Variants in DLL3 observed in about 807,000 individuals in gnomAD.
The protein encoded by DLL3 is delta-like protein 3.
A neutral mutation model predicts 55.0 loss-of-function variants in DLL3; 49 were observed. That is an observed-to-expected ratio of 0.89 (90% CI 0.71 to 1.13). The LOEUF is 1.13. Among genes scored for constraint, DLL3 ranks in the 50% most tolerant of loss-of-function variants. The probability of loss-of-function intolerance (pLI) is 0.00; values close to 1 mark genes in which losing one functional copy is unlikely to be tolerated. For missense variants in DLL3, 962 were observed against 875.5 expected (o/e 1.10, Z -1.25); for synonymous variants, 421 against 385.2 (o/e 1.09, Z -1.09).
chr19:39,502,927 C>G lies in DLL3; in HGVS notation c.522C>G (p.Tyr174Ter), dbSNP rs765809448. 2 of 1,440,532 alleles carry G rather than the reference C, an allele frequency of 1.4e-6. No homozygotes were observed. Among genetic ancestry groups the G allele is most frequent in the Non-Finnish European group, 9.1e-7 (1 of 1,102,816 alleles). 89.2% of individuals were successfully genotyped at this position (1,440,532 alleles called of 1,614,324 possible). Residue 174 changes from tyrosine to a stop codon, truncating the protein, a stop_gained, in exon 4 of 9, where the codon TAC becomes TAG. Coordinates refer to ENST00000356433, the MANE Select transcript of DLL3 (RefSeq NM_203486.3). LOFTEE classifies it high-confidence loss of function. ...GCGCCTGGGAGCTGCGCTTCTCGTACCGCGCGCGCTGCGAGCCGCCTGCCG... is the reference window on the plus strand; with the variant it reads ...GCGCCTGGGAGCTGCGCTTCTCGTAGCGCGCGCGCTGCGAGCCGCCTGCCG... ...RAGAWELRFS[Y>*]RARCEPPAVG... is the part of the protein sequence containing the mutation.
chr19:39,499,287 C>T lies in DLL3; in HGVS notation c.165C>T (p.Pro55=). Residue 55 remains proline, a synonymous_variant, in exon 2 of 9, where the codon CCC becomes CCT. Coordinates refer to ENST00000356433, the MANE Select transcript of DLL3 (RefSeq NM_203486.3). The part of the protein sequence containing the change: ...APRSPCSARL[P]CRLFFRVCLK... ...GGTCCCCCTGCAGCGCCCGGCTCCCCTGCCGCCTCTTCTTCAGAGTCTGCC... is the reference window on the plus strand; with the variant it reads ...GGTCCCCCTGCAGCGCCCGGCTCCCTTGCCGCCTCTTCTTCAGAGTCTGCC... 6.5e-7 allele frequency: 1 copy of T among 1,541,958 alleles called. No homozygotes were observed. Among genetic ancestry groups the T allele is most frequent in the Non-Finnish European group, 8.7e-7 (1 of 1,147,964 alleles).
chr19:39,505,526 C>A, intron 6 of DLL3, 75 bp downstream of exon 6: 2 of 1,556,190 alleles, frequency 1.3e-6, no homozygotes, highest in Non-Finnish European at 1.8e-6. Flanking sequence ...GGGTTGGAAT[C>A]CTGGCTTTGA....
chr19:39,502,436 T>A (rs564232377), intron 3 of DLL3, among the ~76,000 whole-genome samples: 21 of 151,804 alleles, frequency 1.4e-4, no homozygotes, highest in South Asian at 2.1e-4. Flanking sequence ...CTAATTTTTT[T>A]AAAGAATTTT....
rs576748683 is a variant in DLL3, at chr19:39,508,101, C to A, written c.1759-151C>A. 29 of 1,609,648 alleles carry A rather than the reference C, an allele frequency of 1.8e-5. No individual in the cohort carries two copies. In the East Asian group the frequency reaches 6.5e-4, roughly 36 times the overall value. ...TTTGCATCCCTCTTATCGTTTTGAG[C>A]TACCTGCCATCTTCTCTTTGAAAAA... On this transcript the variant is annotated intron_variant, in intron 8 of 8. Transcript: ENST00000356433.
At chr19:39,500,585 T>G (rs1385796437) in intron 2 of DLL3, 30 bp from the exon 3 acceptor site, 1 of 1,604,244 alleles carries the variant, frequency 6.2e-7, no homozygotes, top group South Asian at 1.1e-5. Context: ...GTCTTTCATC[T>G]TTCATCTCCC....
At chr19:39,507,976 T>G in intron 8 of DLL3, 62 bp downstream of exon 8, 1 of 1,613,948 alleles carries the variant, frequency 6.2e-7, no homozygotes, top group Non-Finnish European at 8.5e-7. Flanking sequence ...CAGCACCTGC[T>G]TTTTCCCTAC....
intron 5 of DLL3, 33 bp from the exon 6 acceptor site, chr19:39,505,196 A>G: frequency 6.2e-7 from 1 of 1,608,016 alleles, no homozygotes; most frequent in Non-Finnish European, 8.5e-7. Context: ...CTCCAAGGAA[A>G]CACCCTTCTC....
chr19:39,507,814 T>G lies in DLL3; in HGVS notation c.1674-16T>G, dbSNP rs539055025. The G allele has an allele frequency of 1.2e-6, 2 of 1,614,086 alleles. No homozygotes were observed. Among genetic ancestry groups the G allele is most frequent in the African/African-American group, 1.3e-5 (1 of 75,032 alleles). ...TTTAAAGAGTCTGAGTTTTTCTTCT[T>G]TCTCTCCTCCCACAGCTCGTCCGTA... is the stretch of plus-strand genomic sequence containing the variant. On this transcript the variant is annotated splice_polypyrimidine_tract_variant and intron_variant, in intron 7 of 8. Transcript: ENST00000356433.
intron 8 of DLL3, 56 bp downstream of exon 8, chr19:39,507,970 A>G: frequency 1.2e-6 from 2 of 1,613,926 alleles, no homozygotes; most frequent in Non-Finnish European, 1.7e-6. Flanking sequence ...CAGAGGCAGC[A>G]CCTGCTTTTT....
At position 39,507,104 on chromosome 19, in the gene DLL3, C is replaced by A. The variant is rs1023296017; in HGVS notation, c.1159C>A (p.Arg387Ser). Residue 387 changes from arginine (R) to serine (S), a missense_variant, in exon 7 of 9, where the codon CGC becomes AGC. Physicochemically the swap from Arg to Ser is moderately radical, Grantham distance 110. Transcript: ENST00000356433. ...CRCRAGFAGP[R>S]CEHDLDDCAG... is the part of the protein sequence containing the mutation. ...CTGCCGCGCCGGCTTCGCGGGTCCT[C>A]GCTGCGAGCACGACCTGGACGACTG... The A allele has an allele frequency of 1.3e-6, 2 of 1,543,254 alleles. No individual in the cohort carries two copies. The highest frequency in any genetic ancestry group is 1.4e-5 in the African/African-American group (1 of 73,466).
In DLL3 at chr19:39,503,405, A is replaced by G. The variant is rs528544903; in HGVS notation, c.652+348A>G. On this transcript the variant is annotated intron_variant, in intron 4 of 8. Coordinates refer to ENST00000356433, the MANE Select transcript of DLL3 (RefSeq NM_203486.3). ...TCCATTTTCTATGCTGGCACCCTCC[A>G]GTTCCTTCCCTAACCCACATTCACA... 2.0e-5 allele frequency among the ~76,000 whole-genome samples: 3 copies of G among 152,144 alleles called. No individual in the cohort carries two copies. The South Asian group carries it at 6.2e-4, about 32-fold the overall frequency.
intron 3 of DLL3, among the ~76,000 whole-genome samples, chr19:39,502,268 T>A (rs1444175763): frequency 6.6e-6 from 1 of 151,998 alleles, no homozygotes; most frequent in Non-Finnish European, 1.5e-5. Flanking sequence ...GTTTATTTTT[T>A]ATTTTTATTT....
At chr19:39,499,140 G>A (rs1025069132) in intron 1 of DLL3, 52 bp from the exon 2 acceptor site, 4 of 1,607,054 alleles carry the variant, frequency 2.5e-6, no homozygotes, top group Non-Finnish European at 3.4e-6. Flanking sequence ...TGGGGCGGAC[G>A]GGAAGCCTGG....
intron 8 of DLL3, 62 bp from the exon 9 acceptor site, chr19:39,508,190 C>CGGGGAGGCA (rs1171545445): frequency 9.3e-6 from 15 of 1,613,930 alleles, no homozygotes; most frequent in East Asian, 2.2e-5. Flanking sequence ...TTGTACTCAG[C>CGGGGAGGCA]GGGGAGGCAG....
At position 39,499,279 on chromosome 19, in the gene DLL3, C is replaced by T; in HGVS notation, c.157C>T (p.Arg53Trp). The T allele has an allele frequency of 1.3e-6, 2 of 1,541,586 alleles. No individual in the cohort carries two copies. The highest frequency in any genetic ancestry group is 8.7e-7 in the Non-Finnish European group (1 of 1,147,850). Residue 53 changes from arginine to tryptophan, a missense_variant, in exon 2 of 9, where the codon CGG becomes TGG. By Grantham distance (101) the Arg-to-Trp change is moderately radical. Coordinates refer to ENST00000356433, the MANE Select transcript of DLL3 (RefSeq NM_203486.3). ...PGAPRSPCSA[R>W]LPCRLFFRVC... Reference sequence around the variant, plus strand: ...GGCCCCGCGGTCCCCCTGCAGCGCCCGGCTCCCCTGCCGCCTCTTCTTCAG... The same window carrying T: ...GGCCCCGCGGTCCCCCTGCAGCGCCTGGCTCCCCTGCCGCCTCTTCTTCAG...
At chr19:39,503,120 C>G (rs2079620996) in intron 4 of DLL3, 63 bp downstream of exon 4, 3 of 1,483,352 alleles carry the variant, frequency 2.0e-6, no homozygotes, top group African/African-American at 1.4e-5. Context: ...CTGAGCGTCA[C>G]TCGCGGCCCC....
rs572205035 is a variant in DLL3 at position 39,499,364 on chromosome 19, C to T, written c.242C>T (p.Ala81Val). ...GCCGAGTCCCCGTGCGCCCTGGGCGCGGCGCTGAGTGCGCGCGGACCGGTC... is the reference window on the plus strand; with the variant it reads ...GCCGAGTCCCCGTGCGCCCTGGGCGTGGCGCTGAGTGCGCGCGGACCGGTC... The part of the protein sequence containing the change: ...EAAESPCALG[A>V]ALSARGPVYT... The change falls in exon 2 of 9, where the codon GCG (alanine) becomes GTG (valine). Residue 81 changes from alanine (A) to valine (V), a missense_variant. Physicochemically the swap from Ala to Val is moderately conservative, Grantham distance 64 (BLOSUM62 0). Coordinates refer to ENST00000356433, the MANE Select transcript of DLL3 (RefSeq NM_203486.3). 1.2e-5 allele frequency: 18 copies of T among 1,560,002 alleles called. No individual in the cohort carries two copies. The South Asian group carries it at 1.9e-4, about 16-fold the overall frequency.
In DLL3 at chr19:39,502,794, C is replaced by T. The variant is rs757387396; in HGVS notation, c.410-21C>T. 3.6e-6 allele frequency: 5 copies of T among 1,404,968 alleles called. No individual in the cohort carries two copies. The Admixed American group carries it at 1.4e-4, about 41-fold the overall frequency. The allele number at this position is 1,404,968 out of a possible 1,614,324, so 87.0% of individuals were successfully genotyped here. A position where few individuals can be genotyped will look rare whatever the true frequency, so the allele number is the denominator to read the frequency against. ...TTCGGCCGGGCCCACCCCAGCACCC[C>T]TCCTTTGCCTGTCCTCGCAGGGCCC... is the stretch of plus-strand genomic sequence containing the variant. On this transcript the variant is annotated intron_variant, in intron 3 of 8. Transcript: ENST00000356433.
rs762669182 is a variant in DLL3 at position 39,499,525 on chromosome 19, C to G, written c.351+52C>G. On this transcript the variant is annotated intron_variant, in intron 2 of 8. Transcript: ENST00000356433. ...GGTGCTGGAGGCCTAACCCTGCCAG[C>G]GAAACCTCCACCTCCTCTCCCCTCC... is the stretch of plus-strand genomic sequence containing the variant. 8 of 1,552,096 alleles carry G rather than the reference C, an allele frequency of 5.2e-6. No homozygotes were observed. In the South Asian group the frequency reaches 9.4e-5, roughly 18 times the overall value.
Sources: allele counts gnomAD v4.1 joint callset (sites outside exome capture counted in the v4.1 genomes callset), GRCh38; gene constraint gnomAD v4.1.1; transcripts MANE v1.5; gene names NCBI Gene and HGNC (gene_info 2026-07-23, HGNC 2026-07-21).